Variants in DPYD observed in about 807,000 individuals in gnomAD.
DPYD encodes dihydropyrimidine dehydrogenase, also known as dihydropyrimidine dehydrogenase [NADP(+)].
Under a neutral mutation model 116.2 loss-of-function variants are expected in DPYD, and 109 were observed. The observed-to-expected ratio is 0.94, with a 90% CI of 0.80 to 1.10. The LOEUF is 1.10. DPYD is among the 50% of genes least tolerant of loss of function. The pLI, the probability that DPYD is intolerant of heterozygous loss-of-function variation, is 0.00. For missense variants in DPYD, 1,302 were observed against 1,254.5 expected, an observed-to-expected ratio of 1.04 and a Z score of -0.57; for synonymous variants, 440 against 432.0, an observed-to-expected ratio of 1.02 and a Z score of -0.23.
chr1:97,906,597 A>G (rs969311383), intron 1 of DPYD, among the ~76,000 whole-genome samples: 2 of 152,082 alleles, frequency 1.3e-5, no homozygotes, highest in South Asian at 2.1e-4. Flanking sequence ...TGTATACAGG[A>G]GTCCACCCTA....
At chr1:97,367,001 T>A (rs535481765) in intron 16 of DPYD, among the ~76,000 whole-genome samples, 1 of 152,190 alleles carries the variant, frequency 6.6e-6, no homozygotes, top group East Asian at 1.9e-4. Flanking sequence ...TCCACAGACA[T>A]CTATGGGGGT....
chr1:97,516,319 T>A (rs571853777), intron 12 of DPYD, among the ~76,000 whole-genome samples: 50 of 152,112 alleles, frequency 3.3e-4, no homozygotes, highest in African/African-American at 1.2e-3. Flanking sequence ...CAACGGCAAG[T>A]CAGGAGGCCT....
intron 20 of DPYD, among the ~76,000 whole-genome samples, chr1:97,106,337 GGT>G (rs1409179599): frequency 6.6e-6 from 1 of 152,086 alleles, no homozygotes; most frequent in African/African-American, 2.4e-5. Flanking sequence ...ATTATTTGTG[GGT>G]GTGTTTGTCA....
At position 97,514,398 on chromosome 1, in the gene DPYD, G is replaced by A. The variant is rs868853365; in HGVS notation, c.1740+1328C>T. Among the ~76,000 whole-genome samples, 16 of 151,578 alleles carry A rather than the reference G, an allele frequency of 1.1e-4. No individual in the cohort carries two copies. In the South Asian group the frequency reaches 2.5e-3, roughly 24 times the overall value. ...CTGTGCCCAATTAGCCACCTATTTC[G>A]GTTTACATATATGTTTTTTAATAGC... On this transcript the variant is annotated intron_variant, in intron 13 of 22. Coordinates refer to ENST00000370192, the MANE Select transcript of DPYD (RefSeq NM_000110.4).
At chr1:97,776,237 GTTTA>G (rs977991409) in intron 3 of DPYD, among the ~76,000 whole-genome samples, 4 of 152,104 alleles carry the variant, frequency 2.6e-5, no homozygotes, top group Non-Finnish European at 4.4e-5. Flanking sequence ...GCAAAGTGGA[GTTTA>G]TTTAATGTTT....
chr1:97,714,878 G>C (rs1662522764), intron 5 of DPYD, among the ~76,000 whole-genome samples: 1 of 152,030 alleles, frequency 6.6e-6, no homozygotes, highest in African/African-American at 2.4e-5. Context: ...ACATTACCTG[G>C]GGCAAGTAAG....
At chr1:97,603,958 C>T (rs1051765009) in intron 8 of DPYD, among the ~76,000 whole-genome samples, 6 of 152,160 alleles carry the variant, frequency 3.9e-5, no homozygotes, top group Admixed American at 3.9e-4. Context: ...TGGATTAAAA[C>T]GGAAATGAAA....
chr1:97,463,547 A>C (rs1010515626), intron 13 of DPYD, among the ~76,000 whole-genome samples: 14 of 152,218 alleles, frequency 9.2e-5, no homozygotes, highest in Admixed American at 2.6e-4. Context: ...AAAATGTGGA[A>C]GTGACTATGA....
At chr1:97,798,397 A>G (rs1667686241) in intron 3 of DPYD, among the ~76,000 whole-genome samples, 1 of 152,064 alleles carries the variant, frequency 6.6e-6, no homozygotes, top group African/African-American at 2.4e-5. Context: ...AATCAAGCAA[A>G]TAGTGAAATA....
At chr1:97,362,306 C>A (rs1266454148) in intron 16 of DPYD, among the ~76,000 whole-genome samples, 2 of 152,054 alleles carry the variant, frequency 1.3e-5, no homozygotes, top group African/African-American at 4.8e-5. Context: ...TAAAAGAGGA[C>A]ACAAACAAAT....
In DPYD at chr1:97,593,422, G is replaced by A. The variant is rs776435698; in HGVS notation, c.959-35C>T. ...GAAAGGAAAACCCCATTTTCAAGTA[G>A]AGAAACCATTTCTGCATGACAGCTC... On this transcript the variant is annotated intron_variant, in intron 9 of 22. Coordinates refer to ENST00000370192, the MANE Select transcript of DPYD (RefSeq NM_000110.4). 3.1e-6 allele frequency: 5 copies of A among 1,611,430 alleles called. No individual in the cohort carries two copies. In the African/African-American group the frequency reaches 6.8e-5, roughly 22 times the overall value.
chr1:97,270,917 C>A (rs895217690), intron 18 of DPYD, among the ~76,000 whole-genome samples: 1 of 152,104 alleles, frequency 6.6e-6, no homozygotes, highest in Non-Finnish European at 1.5e-5. Context: ...TTTGCTAATG[C>A]AAGATTTAAA....
At chr1:97,800,697 G>C (rs1438965773) in intron 3 of DPYD, among the ~76,000 whole-genome samples, 1 of 151,786 alleles carries the variant, frequency 6.6e-6, no homozygotes, top group Admixed American at 6.6e-5. Context: ...GGACCTATTT[G>C]TAACTGCCAC....
intron 21 of DPYD, among the ~76,000 whole-genome samples, chr1:97,084,335 A>T (rs1250454462): frequency 6.6e-6 from 1 of 151,234 alleles, no homozygotes; most frequent in Non-Finnish European, 1.5e-5. Context: ...AATCCCAAGC[A>T]TCCTTCAAAG....
chr1:97,254,056 C>T (rs72726653), intron 18 of DPYD, among the ~76,000 whole-genome samples: 14,876 of 152,072 alleles, frequency 0.098, 916 homozygotes, highest in East Asian at 0.29. Context: ...ACTTAAGTTA[C>T]TTTATCTAAA....
At chr1:97,400,656 C>A (rs1673317154) in intron 14 of DPYD, among the ~76,000 whole-genome samples, 1 of 152,124 alleles carries the variant, frequency 6.6e-6, no homozygotes, top group South Asian at 2.1e-4. Flanking sequence ...AGAGATTCAA[C>A]TTCTTCCTGG....
chr1:97,860,613 C>T (rs533962602), intron 2 of DPYD, among the ~76,000 whole-genome samples: 3 of 152,074 alleles, frequency 2.0e-5, no homozygotes, highest in Non-Finnish European at 4.4e-5. Context: ...AAAATATAAC[C>T]AGTGACATTC....
At chr1:97,749,103 C>T (rs954401554) in intron 3 of DPYD, among the ~76,000 whole-genome samples, 1 of 152,204 alleles carries the variant, frequency 6.6e-6, no homozygotes, top group African/African-American at 2.4e-5. Flanking sequence ...CAGCCTATCT[C>T]CCTTCCCTTT....
intron 20 of DPYD, among the ~76,000 whole-genome samples, chr1:97,133,843 C>T (rs921367973): frequency 6.7e-6 from 1 of 150,308 alleles, no homozygotes; most frequent in Non-Finnish European, 1.5e-5. Context: ...ACTAAAAATA[C>T]AAAAAATTAG....
Sources: gnomAD v4.1 joint callset for allele counts (sites outside exome capture counted in the v4.1 genomes callset) on GRCh38, gnomAD v4.1.1 for gene constraint, MANE v1.5 for transcripts, NCBI Gene and HGNC (gene_info 2026-07-23, HGNC 2026-07-21) for gene names.